SEL1L: variants seen among roughly 807,000 people sequenced by gnomAD.
SEL1L encodes SEL1L adaptor subunit of SYVN1 ubiquitin ligase.
A neutral mutation model predicts 109.8 loss-of-function variants in SEL1L; 52 were observed. The observed-to-expected ratio is 0.47, with a 90% CI of 0.38 to 0.60. The LOEUF is 0.60. Among genes scored for constraint, SEL1L ranks in the 20% least tolerant of loss-of-function variants. SEL1L has a pLI of 0.00. For synonymous variants in SEL1L, 373 were observed against 339.6 expected (o/e 1.10, Z -1.08); for missense variants, 749 against 962.2 (o/e 0.78, Z 2.93).
At chr14:81,524,873 CA>C (rs200513157) in intron 3 of SEL1L, among the ~76,000 whole-genome samples, 2,823 of 149,070 alleles carry the variant, frequency 0.019, 29 homozygotes, top group Non-Finnish European at 0.03. Flanking sequence ...GACTCTGTCT[CA>C]AAAAAAAAGA....
chr14:81,482,511 A>T (rs1000970098), intron 19 of SEL1L, among the ~76,000 whole-genome samples: 7 of 151,744 alleles, frequency 4.6e-5, no homozygotes, highest in South Asian at 4.2e-4. Context: ...ATCTCCATTT[A>T]AAAAAAACGA....
rs1595543814 is a variant in SEL1L, at chr14:81,533,779, G to C, written c.-35C>G. 2 of 1,600,746 alleles carry C rather than the reference G, an allele frequency of 1.2e-6. No individual in the cohort carries two copies. Among genetic ancestry groups the C allele is most frequent in the Non-Finnish European group, 1.7e-6 (2 of 1,172,788 alleles). ...GGGGCCGGTGCCAACCCCTAGAGCTGTCGCCTTCGCCTCTGCCACCACGGA... is the reference window on the plus strand; with the variant it reads ...GGGGCCGGTGCCAACCCCTAGAGCTCTCGCCTTCGCCTCTGCCACCACGGA... On this transcript the variant is annotated 5_prime_UTR_variant, in exon 1 of 21. Transcript: ENST00000336735.
chr14:81,533,646 G>A (rs749521631), intron 1 of SEL1L, 29 bp downstream of exon 1: 3 of 1,604,946 alleles, frequency 1.9e-6, no homozygotes, highest in Non-Finnish European at 2.6e-6. Context: ...GAGGCTCTGG[G>A]CCTTCAGCCC....
At chr14:81,482,981 G>A (rs543005915) in intron 19 of SEL1L, among the ~76,000 whole-genome samples, 41 of 152,284 alleles carry the variant, frequency 2.7e-4, no homozygotes, top group African/African-American at 8.2e-4. Context: ...GGGAATGCAT[G>A]CTTTCACAAG....
chr14:81,528,702 A>G (rs577596519), intron 1 of SEL1L, among the ~76,000 whole-genome samples: 1 of 152,204 alleles, frequency 6.6e-6, no homozygotes, highest in Non-Finnish European at 1.5e-5. Flanking sequence ...TACCTGCTCC[A>G]TAAGCTGTAT....
intron 1 of SEL1L, among the ~76,000 whole-genome samples, chr14:81,530,898 T>C (rs1015973550): frequency 5.9e-5 from 9 of 152,306 alleles, no homozygotes; most frequent in African/African-American, 1.7e-4. Context: ...CAGACTACTG[T>C]AGGCAACTGT....
intron 4 of SEL1L, 109 bp downstream of exon 4, chr14:81,505,965 G>T: frequency 9.3e-7 from 1 of 1,077,740 alleles, no homozygotes; most frequent in Non-Finnish European, 1.3e-6. Flanking sequence ...CATCAGCAAT[G>T]CTGGCCATTT....
intron 3 of SEL1L, among the ~76,000 whole-genome samples, chr14:81,516,151 A>C (rs1313961145): frequency 6.6e-6 from 1 of 152,196 alleles, no homozygotes; most frequent in Non-Finnish European, 1.5e-5. Context: ...CCCCAACCAG[A>C]TGATCCAACA....
rs201872928 is a variant in SEL1L at position 81,472,552 on chromosome 14, G to A, written c.*4420C>T. 1.4e-3 allele frequency: 624 copies of A among 447,480 alleles called. No individual in the cohort carries two copies. The highest frequency in any genetic ancestry group is 2.3e-3 in the Middle Eastern group (7 of 2,992). The allele number at this position is 447,480 out of a possible 1,614,324, so 27.7% of individuals were successfully genotyped here. ...TAGTCTAAATGTTACTGTGTGGTAC[G>A]TGTCTCTGCAAGTCCTCTTAAAAAA... On this transcript the variant is annotated 3_prime_UTR_variant, in exon 21 of 21. Coordinates refer to ENST00000336735, the MANE Select transcript of SEL1L (RefSeq NM_005065.6).
chr14:81,490,391 G>A lies in SEL1L; in HGVS notation c.1329C>T (p.Asp443=). 1 of 1,609,450 alleles carries A rather than the reference G, an allele frequency of 6.2e-7. No individual in the cohort carries two copies. Among genetic ancestry groups the A allele is most frequent in the Non-Finnish European group, 8.5e-7 (1 of 1,175,840 alleles). The change falls in exon 13 of 21, where the codon GAC becomes GAT. Residue 443 remains aspartate, a synonymous_variant. Coordinates refer to ENST00000336735, the MANE Select transcript of SEL1L (RefSeq NM_005065.6). ...TALHYFKKAA[D]MGNPVGQSGL... is the part of the protein sequence containing the mutation. ...GTACACTGAGACAAAGCCTTACCAT[G>A]TCAGCAGCTTTCTTAAAGTAGTGGA... is the stretch of plus-strand genomic sequence containing the variant.
Position 81,533,847 on chromosome 14 carries a change from G to T in SEL1L, c.-103C>A. 8.2e-7 allele frequency: 1 copy of T among 1,213,098 alleles called. No homozygotes were observed. The allele number at this position is 1,213,098 out of a possible 1,614,324, so 75.1% of individuals were successfully genotyped here. A position where few individuals can be genotyped will look rare whatever the true frequency, so the allele number is the denominator to read the frequency against. ...CCTCGCCGCTGCTCTTCCTGCTCTA[G>T]TCTCCTTCCTCCGCCCCTTCCCAGG... On this transcript the variant is annotated 5_prime_UTR_variant, in exon 1 of 21. Coordinates refer to ENST00000336735, the MANE Select transcript of SEL1L (RefSeq NM_005065.6).
intron 14 of SEL1L, chr14:81,489,044 G>A: frequency 1.7e-6 from 1 of 575,516 alleles, no homozygotes; most frequent in East Asian, 3.0e-5. Flanking sequence ...GGGAGAAAGT[G>A]CCAGACACAG....
chr14:81,484,575 G>C, intron 18 of SEL1L, 178 bp from the exon 19 acceptor site: 1 of 565,676 alleles, frequency 1.8e-6, no homozygotes, highest in Non-Finnish European at 3.0e-6. Flanking sequence ...ATTTAAACTA[G>C]AAGTGTAGCT....
intron 8 of SEL1L, chr14:81,498,853 A>C (rs985321951): frequency 1.8e-5 from 3 of 168,724 alleles, no homozygotes; most frequent in African/African-American, 7.1e-5. Context: ...TAATCTTCCA[A>C]ATTAGCAAAG....
rs1341079977 is a variant in SEL1L at position 81,510,508 on chromosome 14, C to CTATATATATATA, written c.341-4268_341-4267insTATATATATATA. On this transcript the variant is annotated intron_variant, in intron 3 of 20. Transcript: ENST00000336735. Reference sequence around the variant, plus strand: ...TCTCTCTCTCTCTCTCTCTCTCTCTCTCTCTCTATATATATATATATAGAC... The same window carrying CTATATATATATA: ...TCTCTCTCTCTCTCTCTCTCTCTCTCTATATATATATATCTCTCTATATATATATATATAGAC... 6.9e-5 allele frequency among the ~76,000 whole-genome samples: 8 copies of CTATATATATATA among 116,466 alleles called. No individual in the cohort carries two copies. In the East Asian group the frequency reaches 1.6e-3, roughly 24 times the overall value. The allele number at this position is 116,466 out of a possible 152,430, so 76.4% of individuals were successfully genotyped here. A position where few individuals can be genotyped will look rare whatever the true frequency, so the allele number is the denominator to read the frequency against.
chr14:81,502,969 A>G lies in SEL1L; in HGVS notation c.615-86T>C, dbSNP rs1884075377. On this transcript the variant is annotated intron_variant, in intron 5 of 20. Transcript: ENST00000336735. ...TTTGATCTACTAAAACGCAACATAA[A>G]TAATTTCCTTATGTTACAAAACCCC... 5 of 1,064,040 alleles carry G rather than the reference A, an allele frequency of 4.7e-6. No individual in the cohort carries two copies. In the Admixed American group the frequency reaches 7.5e-5, roughly 16 times the overall value. 65.9% of individuals were successfully genotyped at this position (1,064,040 alleles called of 1,614,324 possible).
chr14:81,523,638 C>G (rs561646933), intron 3 of SEL1L, among the ~76,000 whole-genome samples: 19 of 152,052 alleles, frequency 1.2e-4, no homozygotes, highest in Non-Finnish European at 2.2e-4. Context: ...GTCAGAAGCA[C>G]AGACAACCCG....
At chr14:81,488,013 T>TA (rs1903572142) in intron 14 of SEL1L, 71 bp from the exon 15 acceptor site, 2 of 1,192,482 alleles carry the variant, frequency 1.7e-6, no homozygotes, top group Non-Finnish European at 2.4e-6. Context: ...GAGATTTATT[T>TA]AAAAAAATGA....
chr14:81,509,481 T>A lies in SEL1L; in HGVS notation c.341-3240A>T, dbSNP rs151238130. On this transcript the variant is annotated intron_variant, in intron 3 of 20. Coordinates refer to ENST00000336735, the MANE Select transcript of SEL1L (RefSeq NM_005065.6). ...TAGGTAATGAATCATATTTTGGCTC[T>A]ACAATTAATGACACAGTATCCCAAT... Among the ~76,000 whole-genome samples, 63 of 152,348 alleles carry A rather than the reference T, an allele frequency of 4.1e-4. No homozygotes were observed. In the South Asian group the frequency reaches 6.6e-3, roughly 16 times the overall value.
Sources: allele counts gnomAD v4.1 joint callset (sites outside exome capture counted in the v4.1 genomes callset), GRCh38; gene constraint gnomAD v4.1.1; transcripts MANE v1.5; gene names NCBI Gene and HGNC (gene_info 2026-07-23, HGNC 2026-07-21).